The following DIXDC1 variants were observed in gnomAD, a reference collection of about 807,000 sequenced individuals.
DIXDC1 encodes the protein DIX domain containing 1.
DIXDC1 carries 64 observed loss-of-function variants against 103.1 expected under a neutral mutation model. That is an observed-to-expected ratio of 0.62 (90% CI 0.51 to 0.76). DIXDC1 has a LOEUF of 0.76. DIXDC1 is among the 30% of genes least tolerant of loss of function. DIXDC1 has a pLI of 0.00. For missense variants in DIXDC1, 759 were observed against 834.2 expected (o/e 0.91, Z 1.11); for synonymous variants, 266 against 298.5 (o/e 0.89, Z 1.12).
At chr11:111,945,934 AT>A (rs59564914) in intron 1 of DIXDC1, 13 of 119,770 alleles carry the variant, frequency 1.1e-4, no homozygotes, top group African/African-American at 1.3e-4. Context: ...AGCCCGGTTA[AT>A]TTTTTTTTTT....
chr11:111,989,077 TCTTTAAATA>T, intron 10 of DIXDC1, 22 bp downstream of exon 10: 1 of 1,578,442 alleles, frequency 6.3e-7, no homozygotes, highest in Non-Finnish European at 8.6e-7. Flanking sequence ...GACATTTAAT[TCTTTAAATA>T]AAGTCTCTGC....
chr11:112,011,171 G>A (rs1555177164), intron 17 of DIXDC1, among the ~76,000 whole-genome samples: 1 of 152,186 alleles, frequency 6.6e-6, no homozygotes, highest in African/African-American at 2.4e-5. Context: ...CTCAAAAGAA[G>A]ACATTTCTGC....
intron 2 of DIXDC1, 101 bp downstream of exon 2, chr11:111,964,779 T>C (rs1555171361): frequency 2.9e-6 from 4 of 1,376,334 alleles, no homozygotes. Flanking sequence ...TTCTTTAGAA[T>C]ATATGGCAGT....
intron 1 of DIXDC1, among the ~76,000 whole-genome samples, chr11:111,959,847 A>AGG (rs1555170909): frequency 6.9e-4 from 105 of 152,318 alleles, no homozygotes; most frequent in Non-Finnish European, 1.3e-3. Flanking sequence ...TCTTAGTGCA[A>AGG]GTCAGCAGTG....
chr11:111,984,501 G>A (rs1418122942), intron 7 of DIXDC1, among the ~76,000 whole-genome samples: 1 of 152,024 alleles, frequency 6.6e-6, no homozygotes, highest in African/African-American at 2.4e-5. Flanking sequence ...TCGGGCCACC[G>A]CACTCCAACC....
chr11:111,966,275 T>C (rs1408772940), intron 2 of DIXDC1, among the ~76,000 whole-genome samples: 1 of 130,976 alleles, frequency 7.6e-6, no homozygotes, highest in African/African-American at 3.0e-5. Flanking sequence ...CAGGCTGGAG[T>C]GCAATGGCAT....
intron 1 of DIXDC1, among the ~76,000 whole-genome samples, chr11:111,957,768 G>A (rs587609366): frequency 6.6e-6 from 1 of 152,334 alleles, no homozygotes; most frequent in South Asian, 2.1e-4. Flanking sequence ...ATCTTGGAAG[G>A]GATCCTGGAC....
At chr11:111,971,299 A>G (rs1859915919) in intron 3 of DIXDC1, among the ~76,000 whole-genome samples, 2 of 152,238 alleles carry the variant, frequency 1.3e-5, no homozygotes, top group African/African-American at 4.8e-5. Context: ...CCTATTGAAA[A>G]GTGGGCAAAG....
At chr11:111,943,743 G>A (rs1966500800) in intron 1 of DIXDC1, among the ~76,000 whole-genome samples, 6 of 150,854 alleles carry the variant, frequency 4.0e-5, no homozygotes, top group Middle Eastern at 3.5e-3. Flanking sequence ...TTCGTGATCC[G>A]CCCACCTCAG....
chr11:111,987,321 T>G (rs1860526770), intron 9 of DIXDC1, among the ~76,000 whole-genome samples: 1 of 152,102 alleles, frequency 6.6e-6, no homozygotes, highest in South Asian at 2.1e-4. Context: ...ATTGGAATCT[T>G]TCCTGTATCT....
At chr11:111,942,510 T>C (rs1966453846) in intron 1 of DIXDC1, among the ~76,000 whole-genome samples, 1 of 152,162 alleles carries the variant, frequency 6.6e-6, no homozygotes, top group African/African-American at 2.4e-5. Context: ...GAGAACCAAT[T>C]CCACAGGCCC....
intron 17 of DIXDC1, among the ~76,000 whole-genome samples, chr11:112,013,521 A>G (rs147176448): frequency 4.1e-4 from 63 of 152,234 alleles, no homozygotes; most frequent in Non-Finnish European, 7.2e-4. Context: ...TAAAATGAAT[A>G]ATGAGATGAC....
At position 111,990,886 on chromosome 11, in the gene DIXDC1, T is replaced by A. The variant is rs1253610827; in HGVS notation, c.1114-1529T>A. ...CATGCCCAGCTAATTTTTGTGTTTT[T>A]GGTAGAGACGGGGTTTCACCATGTT... On this transcript the variant is annotated intron_variant, in intron 10 of 19. Transcript: ENST00000440460. Among the ~76,000 whole-genome samples the A allele has an allele frequency of 2.6e-5, 4 of 152,158 alleles. No homozygotes were observed. The East Asian group carries it at 7.7e-4, about 29-fold the overall frequency.
At chr11:111,970,112 G>T (rs1183090690) in intron 3 of DIXDC1, among the ~76,000 whole-genome samples, 1 of 152,188 alleles carries the variant, frequency 6.6e-6, no homozygotes, top group Admixed American at 6.5e-5. Flanking sequence ...CTGGAGTTCA[G>T]TGTCGTGATC....
Position 111,995,395 on chromosome 11 carries a change from G to A in DIXDC1, c.1528-8G>A. On this transcript the variant is annotated splice_region_variant and splice_polypyrimidine_tract_variant and intron_variant, in intron 15 of 19. Transcript: ENST00000440460. ...GCCATGCCAGCAACACCTTATTTTT[G>A]CCCACAGACCAGCGACCTGCAGCTT... 2.5e-6 allele frequency: 4 copies of A among 1,610,098 alleles called. No homozygotes were observed. The highest frequency in any genetic ancestry group is 3.4e-6 in the Non-Finnish European group (4 of 1,179,834).
intron 1 of DIXDC1, 42 bp from the exon 2 acceptor site, chr11:111,964,507 T>TAATATGCTC (rs1555171300): frequency 6.4e-7 from 1 of 1,558,286 alleles, no homozygotes; most frequent in African/African-American, 1.4e-5. Context: ...GGGTTGAGAT[T>TAATATGCTC]AATATGCTCT....
At chr11:111,955,833 CAAAAAAAAAAA>C (rs781822030) in intron 1 of DIXDC1, among the ~76,000 whole-genome samples, 5 of 17,660 alleles carry the variant, frequency 2.8e-4, no homozygotes, top group African/African-American at 5.5e-4. Context: ...GACTCTAGCT[CAAAAAAAAAAA>C]AAAAAAAAAA....
chr11:111,941,865 CA>C (rs2137445715), intron 1 of DIXDC1, among the ~76,000 whole-genome samples: 1 of 151,956 alleles, frequency 6.6e-6, no homozygotes, highest in African/African-American at 2.4e-5. Flanking sequence ...CACACACACA[CA>C]CACACACCCA....
intron 2 of DIXDC1, among the ~76,000 whole-genome samples, chr11:111,930,984 G>A (rs1436986526): frequency 6.6e-6 from 1 of 151,122 alleles, no homozygotes. Context: ...CTCCCGAGCA[G>A]CTGGGATTAC....
Sources: gnomAD v4.1 joint callset for allele counts (sites outside exome capture counted in the v4.1 genomes callset) on GRCh38, gnomAD v4.1.1 for gene constraint, MANE v1.5 for transcripts, NCBI Gene and HGNC (gene_info 2026-07-23, HGNC 2026-07-21) for gene names.